Variants in ATP8B4 observed in about 807,000 individuals in gnomAD.
ATP8B4 encodes ATPase phospholipid transporting 8B4 (putative), also known as probable phospholipid-transporting ATPase IM.
Under a neutral mutation model 145.6 loss-of-function variants are expected in ATP8B4, and 133 were observed. The ratio of observed to expected loss-of-function variants is 0.91; its 90% CI spans 0.79 to 1.05. ATP8B4 has a LOEUF of 1.05. ATP8B4 is among the 50% of genes least tolerant of loss of function. ATP8B4 has a pLI of 0.00. For missense variants in ATP8B4, 1,458 were observed against 1,425.2 expected (o/e 1.02, Z -0.37); for synonymous variants, 507 against 492.9 (o/e 1.03, Z -0.38).
chr15:49,922,020 A>G (rs975389341), intron 17 of ATP8B4, among the ~76,000 whole-genome samples: 1 of 152,252 alleles, frequency 6.6e-6, no homozygotes, highest in Non-Finnish European at 1.5e-5. Context: ...CAATAAGATG[A>G]CATTACAAAA....
chr15:50,157,746 TCTC>T (rs2044441910), intron 1 of ATP8B4, among the ~76,000 whole-genome samples: 1 of 151,932 alleles, frequency 6.6e-6, no homozygotes, highest in East Asian at 1.9e-4. Context: ...TTCCTCTCCC[TCTC>T]CCTCTCCCCA....
At chr15:50,069,585 C>A (rs1266347500) in intron 3 of ATP8B4, among the ~76,000 whole-genome samples, 4 of 152,172 alleles carry the variant, frequency 2.6e-5, no homozygotes, top group African/African-American at 7.2e-5. Context: ...TTGTGTATCT[C>A]CTTTATCTAC....
rs749221402 is a variant in ATP8B4 at position 49,858,385 on chromosome 15, A to G, written c.*1809T>C. On this transcript the variant is annotated 3_prime_UTR_variant, in exon 28 of 28. Coordinates refer to ENST00000284509, the MANE Select transcript of ATP8B4 (RefSeq NM_024837.4). Reference sequence around the variant, plus strand: ...TAGGCAGGCATGTAAGGGAAAGACAACGTCCATAGGCAGTTACTATGGTAA... The same window carrying G: ...TAGGCAGGCATGTAAGGGAAAGACAGCGTCCATAGGCAGTTACTATGGTAA... 2 of 152,248 alleles carry G rather than the reference A, an allele frequency of 1.3e-5. No individual in the cohort carries two copies. The highest frequency in any genetic ancestry group is 2.9e-5 in the Non-Finnish European group (2 of 68,042). 9.4% of individuals were successfully genotyped at this position (152,248 alleles called of 1,614,324 possible).
chr15:50,059,190 C>A (rs1192748845), intron 3 of ATP8B4, among the ~76,000 whole-genome samples: 4 of 152,082 alleles, frequency 2.6e-5, no homozygotes, highest in Non-Finnish European at 2.9e-5. Flanking sequence ...CAAAAATAGG[C>A]ATTTGCCTTC....
chr15:49,961,444 G>A (rs576204855), intron 14 of ATP8B4, among the ~76,000 whole-genome samples: 1 of 152,234 alleles, frequency 6.6e-6, no homozygotes, highest in African/African-American at 2.4e-5. Context: ...TCTATTTCTA[G>A]AAACAGATTC....
At chr15:49,932,475 C>T (rs867805256) in intron 15 of ATP8B4, among the ~76,000 whole-genome samples, 2 of 151,982 alleles carry the variant, frequency 1.3e-5, no homozygotes, top group South Asian at 2.1e-4. Context: ...GATCTACCCA[C>T]GAAATAACAT....
chr15:50,121,617 C>G (rs2057271302), upstream of ATP8B4, among the ~76,000 whole-genome samples: 1 of 152,024 alleles, frequency 6.6e-6, no homozygotes, highest in Non-Finnish European at 1.5e-5. Context: ...TGACTGCAAA[C>G]CCTTGCTAAT....
chr15:50,101,911 A>G (rs1208568483), intron 2 of ATP8B4, among the ~76,000 whole-genome samples: 1 of 152,200 alleles, frequency 6.6e-6, no homozygotes, highest in Non-Finnish European at 1.5e-5. Flanking sequence ...CCACAGTGGA[A>G]TAAAATTGGA....
At chr15:50,008,062 A>C (rs186731135) in intron 7 of ATP8B4, among the ~76,000 whole-genome samples, 13 of 152,342 alleles carry the variant, frequency 8.5e-5, no homozygotes, top group African/African-American at 3.1e-4. Flanking sequence ...CTGTGGCCCA[A>C]ATGGGCTTCA....
At chr15:49,955,713 C>T (rs1016215105) in intron 14 of ATP8B4, among the ~76,000 whole-genome samples, 1 of 152,168 alleles carries the variant, frequency 6.6e-6, no homozygotes, top group Non-Finnish European at 1.5e-5. Context: ...GAAATCCTGT[C>T]ATGCTACAAT....
At chr15:50,161,804 T>C (rs1274791653) in intron 1 of ATP8B4, among the ~76,000 whole-genome samples, 3 of 151,326 alleles carry the variant, frequency 2.0e-5, no homozygotes, top group East Asian at 3.9e-4. Context: ...ACCACAATTA[T>C]AGTGTTGTAA....
At chr15:50,160,015 C>CTT (rs35773416) in intron 1 of ATP8B4, among the ~76,000 whole-genome samples, 699 of 20,082 alleles carry the variant, frequency 0.035, 122 homozygotes, top group African/African-American at 0.069. Context: ...CAGGTCCTGG[C>CTT]TTTTTTTTTT....
At position 49,916,951 on chromosome 15, in the gene ATP8B4, T is replaced by C; in HGVS notation, c.2124A>G (p.Glu708=). The C allele has an allele frequency of 6.2e-7, 1 of 1,613,800 alleles. No homozygotes were observed. Among genetic ancestry groups the C allele is most frequent in the Non-Finnish European group, 8.5e-7 (1 of 1,179,812 alleles). Residue 708 remains glutamate (E), a synonymous_variant, in exon 20 of 28, where the codon GAA becomes GAG. Coordinates refer to ENST00000284509, the MANE Select transcript of ATP8B4 (RefSeq NM_024837.4). ...VFVIAGNNAV[E]VREELRKAKQ... is the part of the protein sequence containing the mutation. ...ACACCTACCTGAGTTCTTCTCTCAC[T>C]TCCACAGCATTATTCCCTGCTATCA...
rs774965384 is a variant in ATP8B4, at chr15:49,972,738, T to A, written c.1087A>T (p.Met363Leu). ...GGTATTGCTTTTCGAGAATAATACA[T>A]CTTCCGGTCCCAGTTTATAAAATAA... ...HSYFINWDRKMYYSRKAIPAV... is the reference protein window; with the variant it reads ...HSYFINWDRKLYYSRKAIPAV... The change falls in exon 13 of 28, where the codon ATG (methionine) becomes TTG (leucine). Residue 363 changes from methionine (M) to leucine (L), a missense_variant. Physicochemically the swap from Met to Leu is conservative, Grantham distance 15. Transcript: ENST00000284509. The A allele has an allele frequency of 8.7e-6, 14 of 1,613,924 alleles. No individual in the cohort carries two copies. The highest frequency in any genetic ancestry group is 9.3e-6 in the Non-Finnish European group (11 of 1,179,990).
rs930437906 is a variant in ATP8B4, at chr15:49,897,578, G to A, written c.2474-63C>T. On this transcript the variant is annotated intron_variant, in intron 22 of 27. Transcript: ENST00000284509. Reference sequence around the variant, plus strand: ...AAGCCACGATCTCTTTTGGAAACTTGTCATTCCTCTTTTATTTACGGAAAA... The same window carrying A: ...AAGCCACGATCTCTTTTGGAAACTTATCATTCCTCTTTTATTTACGGAAAA... 7 of 1,336,482 alleles carry A rather than the reference G, an allele frequency of 5.2e-6. No homozygotes were observed. The African/African-American group carries it at 1.0e-4, about 20-fold the overall frequency. 82.8% of individuals were successfully genotyped at this position (1,336,482 alleles called of 1,614,324 possible).
chr15:50,049,112 G>T (rs1294167187), intron 3 of ATP8B4, among the ~76,000 whole-genome samples: 1 of 152,118 alleles, frequency 6.6e-6, no homozygotes, highest in Non-Finnish European at 1.5e-5. Flanking sequence ...CTCCTCCTTT[G>T]GGGTGTACCC....
At chr15:50,020,954 C>T (rs1476812499) in intron 6 of ATP8B4, among the ~76,000 whole-genome samples, 3 of 151,890 alleles carry the variant, frequency 2.0e-5, no homozygotes, top group South Asian at 4.1e-4. Flanking sequence ...TTTTAAAATA[C>T]CCCAGAAAAT....
At position 49,866,383 on chromosome 15, in the gene ATP8B4, G is replaced by T; in HGVS notation, c.3129C>A (p.Gly1043=). 6.2e-7 allele frequency: 1 copy of T among 1,614,028 alleles called. No homozygotes were observed. Among genetic ancestry groups the T allele is most frequent in the Non-Finnish European group, 8.5e-7 (1 of 1,179,882 alleles). The part of the protein sequence containing the change: ...FSILFTMHSN[G]IFGIFPNQFP... ...ACTGGTTTGGGAAGATGCCAAAGAT[G>T]CCATTACTGTGCATTGTAAATAAAA... The change falls in exon 26 of 28, where the codon GGC becomes GGA. Residue 1043 remains glycine (G), a synonymous_variant. Transcript: ENST00000284509.
At chr15:50,165,806 A>C (rs1458357155) in intron 1 of ATP8B4, among the ~76,000 whole-genome samples, 1 of 152,200 alleles carries the variant, frequency 6.6e-6, no homozygotes, top group Non-Finnish European at 1.5e-5. Flanking sequence ...TGTTCATGTA[A>C]AAACTGTTGA....
Sources: allele counts gnomAD v4.1 joint callset (sites outside exome capture counted in the v4.1 genomes callset), GRCh38; gene constraint gnomAD v4.1.1; transcripts MANE v1.5; gene names NCBI Gene and HGNC (gene_info 2026-07-23, HGNC 2026-07-21).